The following ZNF681 variants were observed in gnomAD, a reference collection of about 807,000 sequenced individuals.
ZNF681 encodes zinc finger protein 681.
In ZNF681, 37 loss-of-function variants were observed where a neutral mutation model predicts 56.0. That is an observed-to-expected ratio of 0.66 (90% CI 0.51 to 0.87). The LOEUF (loss-of-function observed/expected upper bound fraction) is 0.87, where lower values mean the gene tolerates loss of function less well. Among genes scored for constraint, ZNF681 ranks in the 40% least tolerant of loss-of-function variants. The probability of loss-of-function intolerance (pLI) is 0.00; values close to 1 mark genes in which losing one functional copy is unlikely to be tolerated. For missense variants in ZNF681, 741 were observed against 744.9 expected (o/e 0.99, Z 0.06); for synonymous variants, 225 against 248.6 (o/e 0.91, Z 0.89).
chr19:23,756,320 G>GT (rs1364097962), intron 1 of ZNF681, among the ~76,000 whole-genome samples: 2 of 8,828 alleles, frequency 2.3e-4, no homozygotes, highest in Non-Finnish European at 1.4e-3. Context: ...GCGACACTCT[G>GT]TCCCCCCCCA....
At position 23,745,285 on chromosome 19, in the gene ZNF681, G is replaced by A. The variant is rs774139217; in HGVS notation, c.265C>T (p.Gln89Ter). ...TTTTGGAAAGAATCTTTTATGTTCT[G>A]CTCTGGTGAAAAGTCTTGGGCAAAA... ...SHFAQDFSPE[Q>*]NIKDSFQKVT... The change falls in exon 4 of 4, where the codon CAG becomes TAG. Residue 89 changes from glutamine to a stop codon, truncating the protein, a stop_gained. Coordinates refer to ENST00000402377, the MANE Select transcript of ZNF681 (RefSeq NM_138286.3). LOFTEE classifies it high-confidence loss of function. 7.6e-6 allele frequency: 12 copies of A among 1,583,240 alleles called. No homozygotes were observed. The highest frequency in any genetic ancestry group is 1.7e-4 in the Middle Eastern group (1 of 5,882).
At position 23,758,774 on chromosome 19, in the gene ZNF681, G is replaced by A. The variant is rs767360090; in HGVS notation, c.-25C>T. ...TTTCTAGGTTTCCGGGGGACCTGGC[G>A]TCTTAGCTATGGATCGCCAATACCT... On this transcript the variant is annotated 5_prime_UTR_variant, in exon 1 of 4. It adds an upstream start codon to the 5' untranslated region. Coordinates refer to ENST00000402377, the MANE Select transcript of ZNF681 (RefSeq NM_138286.3). 11 of 1,614,090 alleles carry A rather than the reference G, an allele frequency of 6.8e-6. No homozygotes were observed. In the African/African-American group the frequency reaches 1.2e-4, roughly 18 times the overall value.
intron 3 of ZNF681, among the ~76,000 whole-genome samples, chr19:23,746,605 G>C (rs143894120): frequency 8.7e-4 from 133 of 152,306 alleles, no homozygotes; most frequent in Admixed American, 2.0e-3. Flanking sequence ...CTATTCATGA[G>C]AAATTTGCCC....
rs1462884725 is a variant in ZNF681, at chr19:23,740,998, A to G, written c.*2614T>C. 6 of 152,168 alleles carry G rather than the reference A, an allele frequency of 3.9e-5. No individual in the cohort carries two copies. The highest frequency in any genetic ancestry group is 3.9e-4 in the Admixed American group (6 of 15,278). The allele number at this position is 152,168 out of a possible 1,614,324, so 9.4% of individuals were successfully genotyped here. On this transcript the variant is annotated 3_prime_UTR_variant, in exon 4 of 4. Coordinates refer to ENST00000402377, the MANE Select transcript of ZNF681 (RefSeq NM_138286.3). ...ATAGGGAGATTCTGAATTATAAGCC[A>G]TACAATTTTACAGTAATCAATTCAA...
chr19:23,743,180 G>A lies in ZNF681; in HGVS notation c.*432C>T, dbSNP rs1229098521. On this transcript the variant is annotated 3_prime_UTR_variant, in exon 4 of 4. Transcript: ENST00000402377. The stretch of plus-strand genomic sequence containing the variant: ...TTTTCTCCAATATAAATTTCCTTAT[G>A]TTGCACAAAGTTTAAGCAACTGCTC... 6.6e-6 allele frequency: 1 copy of A among 152,138 alleles called. No homozygotes were observed. The highest frequency in any genetic ancestry group is 1.5e-5 in the Non-Finnish European group (1 of 68,212). The allele number at this position is 152,138 out of a possible 1,614,324, so 9.4% of individuals were successfully genotyped here.
intron 3 of ZNF681, among the ~76,000 whole-genome samples, chr19:23,748,341 G>A (rs991599970): frequency 1.3e-5 from 2 of 152,154 alleles, no homozygotes; most frequent in South Asian, 4.1e-4. Context: ...GCAGGATGTG[G>A]GCAAACTCAC....
At position 23,744,017 on chromosome 19, in the gene ZNF681, A is replaced by G. The variant is rs1476998825; in HGVS notation, c.1533T>C (p.Cys511=). Residue 511 remains cysteine, a synonymous_variant, in exon 4 of 4, where the codon TGT becomes TGC. Coordinates refer to ENST00000402377, the MANE Select transcript of ZNF681 (RefSeq NM_138286.3). ...TTGAGGATCGATAGAAAGCTTTGCC[A>G]CATTCTTCACATTTGTAGGATTTCT... ...TGEKSYKCEE[C]GKAFYRSSKL... is the part of the protein sequence containing the mutation. 1 of 1,613,164 alleles carries G rather than the reference A, an allele frequency of 6.2e-7. No individual in the cohort carries two copies. The highest frequency in any genetic ancestry group is 8.5e-7 in the Non-Finnish European group (1 of 1,179,906).
chr19:23,751,129 C>CAA (rs34706305), intron 3 of ZNF681, among the ~76,000 whole-genome samples: 50 of 56,424 alleles, frequency 8.9e-4, no homozygotes, highest in South Asian at 2.6e-3. Context: ...AACTCCATCT[C>CAA]AAAAAAAAAA....
Position 23,744,645 on chromosome 19 carries a change from ATC to A in ZNF681, c.903_904del (p.Lys301AsnfsTer10). 1.3e-6 allele frequency: 2 copies of A among 1,596,606 alleles called. No homozygotes were observed. The highest frequency in any genetic ancestry group is 2.2e-5 in the South Asian group (2 of 90,130). On this transcript the variant is annotated frameshift_variant, in exon 4 of 4. Transcript: ENST00000402377. LOFTEE classifies it high-confidence loss of function. ...ATTGAGTTTCTCTCTGGTATGAATT[ATC>A]TTATGTGTAGTAAGGGTTAAGGACT...
chr19:23,744,374 T>C lies in ZNF681; in HGVS notation c.1176A>G (p.Lys392=), dbSNP rs747918592. 1 of 1,613,712 alleles carries C rather than the reference T, an allele frequency of 6.2e-7. No individual in the cohort carries two copies. The highest frequency in any genetic ancestry group is 1.1e-5 in the South Asian group (1 of 91,068). The change falls in exon 4 of 4, where the codon AAA becomes AAG. Residue 392 remains lysine, a synonymous_variant. Transcript: ENST00000402377. ...TTHKIIHTGE[K]PYKCEECGKA... ...TGCCACATTCTTCACATTTGTAGGGTTTCTCTCCAGTATGAATTATCTTAT... is the reference window on the plus strand; with the variant it reads ...TGCCACATTCTTCACATTTGTAGGGCTTCTCTCCAGTATGAATTATCTTAT...
chr19:23,745,013 A>G lies in ZNF681; in HGVS notation c.537T>C (p.Phe179=). 1 of 1,597,310 alleles carries G rather than the reference A, an allele frequency of 6.3e-7. No individual in the cohort carries two copies. The highest frequency in any genetic ancestry group is 2.2e-5 in the East Asian group (1 of 44,568). The change falls in exon 4 of 4, where the codon TTT becomes TTC. Residue 179 remains phenylalanine (F), a synonymous_variant. Coordinates refer to ENST00000402377, the MANE Select transcript of ZNF681 (RefSeq NM_138286.3). ...PFKYKEFGKS[F]CIFSNLTQHK... The stretch of plus-strand genomic sequence containing the variant: ...GTTGAGTTAGGTTTGAAAATATGCA[A>G]AATGATTTGCCAAATTCTTTATATT...
rs79154744 is a variant in ZNF681, at chr19:23,757,482, G to A, written c.3+1265C>T. On this transcript the variant is annotated intron_variant, in intron 1 of 3. Transcript: ENST00000402377. ...TTTTAGAGAAATTTATATTGTGTCT[G>A]TTTACTTGTTTGTGACTTGTAGAGC... is the stretch of plus-strand genomic sequence containing the variant. 9.7e-4 allele frequency among the ~76,000 whole-genome samples: 147 copies of A among 152,074 alleles called. No individual in the cohort carries two copies. The East Asian group carries it at 0.027, about 28-fold the overall frequency.
intron 3 of ZNF681, among the ~76,000 whole-genome samples, chr19:23,749,112 A>C (rs1454126137): frequency 1.3e-5 from 2 of 152,172 alleles, no homozygotes; most frequent in Non-Finnish European, 2.9e-5. Flanking sequence ...TTGACTTACA[A>C]ATACATCAAA....
chr19:23,758,729 C>T lies in ZNF681; in HGVS notation c.3+18G>A. On this transcript the variant is annotated intron_variant, in intron 1 of 3. Transcript: ENST00000402377. ...AGCCCCTTCCCCTCTCTCGGGATGTCGGACCCGACATTCTCACCATTTCTA... is the reference window on the plus strand; with the variant it reads ...AGCCCCTTCCCCTCTCTCGGGATGTTGGACCCGACATTCTCACCATTTCTA... 2 of 1,614,184 alleles carry T rather than the reference C, an allele frequency of 1.2e-6. No individual in the cohort carries two copies. Among genetic ancestry groups the T allele is most frequent in the Non-Finnish European group, 1.7e-6 (2 of 1,180,032 alleles).
At chr19:23,752,095 G>A (rs1327113874) in intron 3 of ZNF681, among the ~76,000 whole-genome samples, 1 of 152,172 alleles carries the variant, frequency 6.6e-6, no homozygotes, top group Non-Finnish European at 1.5e-5. Context: ...GATCCAGGGA[G>A]GGAGTTGTGA....
intron 1 of ZNF681, among the ~76,000 whole-genome samples, chr19:23,758,029 A>G (rs1969149420): frequency 6.6e-6 from 1 of 152,234 alleles, no homozygotes; most frequent in Admixed American, 6.5e-5. Flanking sequence ...GGAAATAGAA[A>G]TAATTCTTCT....
In ZNF681 at chr19:23,741,447, C is replaced by A. The variant is rs567838079; in HGVS notation, c.*2165G>T. ...AACTAAAAGTGGCTGGGTGTGGTGG[C>A]TCCCACCTGTAATCCCAGCACTTTG... On this transcript the variant is annotated 3_prime_UTR_variant, in exon 4 of 4. Transcript: ENST00000402377. 6.6e-6 allele frequency: 1 copy of A among 152,170 alleles called. No individual in the cohort carries two copies. Among genetic ancestry groups the A allele is most frequent in the Admixed American group, 6.6e-5 (1 of 15,264 alleles). 9.4% of individuals were successfully genotyped at this position (152,170 alleles called of 1,614,324 possible).
In ZNF681 at chr19:23,742,757, C is replaced by T. The variant is rs1968888208; in HGVS notation, c.*855G>A. ...CAGCAACAATTAAGTCACATGCTTT[C>T]ACATGTGAATACAATAGGAATGAAG... On this transcript the variant is annotated 3_prime_UTR_variant, in exon 4 of 4. Transcript: ENST00000402377. 6.6e-6 allele frequency: 1 copy of T among 152,052 alleles called. No individual in the cohort carries two copies. The highest frequency in any genetic ancestry group is 2.4e-5 in the African/African-American group (1 of 41,376). The allele number at this position is 152,052 out of a possible 1,614,324, so 9.4% of individuals were successfully genotyped here.
At position 23,741,356 on chromosome 19, in the gene ZNF681, TA is replaced by T. The variant is rs1968872039; in HGVS notation, c.*2255del. 1 of 152,150 alleles carries T rather than the reference TA, an allele frequency of 6.6e-6. No homozygotes were observed. The highest frequency in any genetic ancestry group is 6.6e-5 in the Admixed American group (1 of 15,266). The allele number at this position is 152,150 out of a possible 1,614,324, so 9.4% of individuals were successfully genotyped here. A position where few individuals can be genotyped will look rare whatever the true frequency, so the allele number is the denominator to read the frequency against. ...CTCAGAAATGTATGCATTTTGTTTA[TA>T]TTGTTTTCTTATGACCATAAAAGAG... On this transcript the variant is annotated 3_prime_UTR_variant, in exon 4 of 4. Transcript: ENST00000402377.
Sources: allele counts gnomAD v4.1 joint callset (sites outside exome capture counted in the v4.1 genomes callset), GRCh38; gene constraint gnomAD v4.1.1; transcripts MANE v1.5; gene names NCBI Gene and HGNC (gene_info 2026-07-23, HGNC 2026-07-21).